Variants in NKAIN2 observed in about 807,000 individuals in gnomAD.
NKAIN2 encodes the protein sodium/potassium transporting ATPase interacting 2.
NKAIN2 carries 14 observed loss-of-function variants against 32.6 expected under a neutral mutation model. That is an observed-to-expected ratio of 0.43 (90% CI 0.28 to 0.67). NKAIN2 has a LOEUF of 0.67. Ranked by LOEUF, NKAIN2 falls within the 30% of genes least tolerant of loss-of-function variation. The pLI, the probability that NKAIN2 is intolerant of heterozygous loss-of-function variation, is 0.17. For synonymous variants in NKAIN2, 80 were observed against 87.2 expected (o/e 0.92, Z 0.46); for missense variants, 198 against 258.3 (o/e 0.77, Z 1.60).
chr6:124,309,966 A>G (rs1199467142), intron 2 of NKAIN2, among the ~76,000 whole-genome samples: 4 of 152,140 alleles, frequency 2.6e-5, no homozygotes, highest in Non-Finnish European at 5.9e-5. Flanking sequence ...AAACAATAGT[A>G]AAAGAGGTAA....
In NKAIN2 at chr6:124,714,694, C is replaced by G. The variant is rs531058758; in HGVS notation, c.474+56308C>G. Among the ~76,000 whole-genome samples, 321 of 152,292 alleles carry G rather than the reference C, an allele frequency of 2.1e-3. 1 individual carries two copies. The highest frequency in any genetic ancestry group is 7.5e-3 in the African/African-American group (312 of 41,564). ...ATCTAATTTTCATCTGAGCATAGTA[C>G]ATTGTAGTTCCCTGAGGCAGGCTTT... is the stretch of plus-strand genomic sequence containing the variant. On this transcript the variant is annotated intron_variant, in intron 4 of 6. Transcript: ENST00000368417.
chr6:124,245,001 G>C (rs1793320595), intron 1 of NKAIN2, among the ~76,000 whole-genome samples: 1 of 151,942 alleles, frequency 6.6e-6, no homozygotes, highest in Non-Finnish European at 1.5e-5. Flanking sequence ...AGTGCATGTT[G>C]GCTCCATCCT....
chr6:124,041,277 T>C (rs1295099226), intron 1 of NKAIN2, among the ~76,000 whole-genome samples: 1 of 152,006 alleles, frequency 6.6e-6, no homozygotes, highest in Non-Finnish European at 1.5e-5. Context: ...CCGCACATCA[T>C]CTCATACAAT....
At chr6:124,087,664 A>T (rs1052105894) in intron 1 of NKAIN2, among the ~76,000 whole-genome samples, 1 of 152,006 alleles carries the variant, frequency 6.6e-6, no homozygotes, top group Non-Finnish European at 1.5e-5. Context: ...CTGTTAATCT[A>T]AAACTGCCTT....
intron 1 of NKAIN2, among the ~76,000 whole-genome samples, chr6:123,858,155 G>A (rs563521387): frequency 7.3e-5 from 11 of 150,030 alleles, no homozygotes; most frequent in African/African-American, 2.0e-4. Flanking sequence ...TCGCTCTGTC[G>A]CCCAGACTGG....
chr6:124,658,339 T>C lies in NKAIN2; in HGVS notation c.427T>C (p.Tyr143His). Reference sequence around the variant, plus strand: ...CACGGTCTCAGGGTGTTTGCTGGAGTACCAGTACATAGAAGTGGCTCATAG... The same window carrying C: ...CACGGTCTCAGGGTGTTTGCTGGAGCACCAGTACATAGAAGTGGCTCATAG... ...YITVSGCLLE[Y>H]QYIEVAHSSL... The change falls in exon 4 of 7, where the codon TAC (tyrosine) becomes CAC (histidine). Residue 143 changes from tyrosine (Y) to histidine (H), a missense_variant. Coordinates refer to ENST00000368417, the MANE Select transcript of NKAIN2 (RefSeq NM_001040214.3). 6.2e-7 allele frequency: 1 copy of C among 1,614,050 alleles called. No homozygotes were observed. The highest frequency in any genetic ancestry group is 8.5e-7 in the Non-Finnish European group (1 of 1,179,990).
At chr6:124,564,471 A>AT (rs1320236570) in intron 3 of NKAIN2, among the ~76,000 whole-genome samples, 2 of 118,798 alleles carry the variant, frequency 1.7e-5, no homozygotes, top group African/African-American at 5.0e-5. Flanking sequence ...AAATAAGAGA[A>AT]TAAAAGCTGG....
At chr6:124,019,261 C>A (rs570446545) in intron 1 of NKAIN2, among the ~76,000 whole-genome samples, 1 of 151,990 alleles carries the variant, frequency 6.6e-6, no homozygotes, top group Non-Finnish European at 1.5e-5. Context: ...ACCTTGGTAC[C>A]CTTTCTAGCC....
At chr6:124,151,060 A>G (rs1388172634) in intron 1 of NKAIN2, among the ~76,000 whole-genome samples, 1 of 151,984 alleles carries the variant, frequency 6.6e-6, no homozygotes, top group Non-Finnish European at 1.5e-5. Context: ...ACCCTTTGTC[A>G]TGTTTCTTTT....
chr6:124,371,295 G>A (rs1363779921), intron 3 of NKAIN2, among the ~76,000 whole-genome samples: 1 of 151,836 alleles, frequency 6.6e-6, no homozygotes, highest in East Asian at 1.9e-4. Context: ...AATTGCTTAC[G>A]AGATAACGAG....
intron 1 of NKAIN2, among the ~76,000 whole-genome samples, chr6:124,170,620 C>T (rs1221445810): frequency 6.6e-6 from 1 of 152,116 alleles, no homozygotes; most frequent in Non-Finnish European, 1.5e-5. Context: ...ATAGTGGCTT[C>T]TTGGATTCCA....
chr6:124,007,490 T>A (rs1780124804), intron 1 of NKAIN2, among the ~76,000 whole-genome samples: 1 of 152,196 alleles, frequency 6.6e-6, no homozygotes, highest in African/African-American at 2.4e-5. Context: ...TGCAGTCTCT[T>A]CTCATAGCTC....
chr6:123,941,653 C>T (rs2114555863), intron 1 of NKAIN2, among the ~76,000 whole-genome samples: 1 of 152,082 alleles, frequency 6.6e-6, no homozygotes, highest in African/African-American at 2.4e-5. Flanking sequence ...AGCACAGCAG[C>T]ATCAAGCAAA....
chr6:124,039,267 A>G (rs1781753357), intron 1 of NKAIN2, among the ~76,000 whole-genome samples: 1 of 152,030 alleles, frequency 6.6e-6, no homozygotes, highest in Non-Finnish European at 1.5e-5. Flanking sequence ...GTTTTATTAT[A>G]TGAGTTAATA....
chr6:124,018,144 G>A (rs1780678712), intron 1 of NKAIN2, among the ~76,000 whole-genome samples: 1 of 152,158 alleles, frequency 6.6e-6, no homozygotes. Context: ...AAAGCTTGGG[G>A]CTTCCAGCCT....
At chr6:124,187,148 G>A (rs1176232505) in intron 1 of NKAIN2, among the ~76,000 whole-genome samples, 2 of 152,092 alleles carry the variant, frequency 1.3e-5, no homozygotes, top group African/African-American at 4.8e-5. Context: ...GTTCAGTGGA[G>A]TCTTTAATAC....
chr6:124,359,873 A>C (rs1799187261), intron 3 of NKAIN2, among the ~76,000 whole-genome samples: 1 of 152,124 alleles, frequency 6.6e-6, no homozygotes, highest in Non-Finnish European at 1.5e-5. Context: ...GAATGCTTCC[A>C]GTTTTTGCCC....
chr6:124,121,655 T>C (rs1286338821), intron 1 of NKAIN2, among the ~76,000 whole-genome samples: 1 of 152,054 alleles, frequency 6.6e-6, no homozygotes, highest in Non-Finnish European at 1.5e-5. Context: ...GATGTAGGGG[T>C]TGATACAATG....
intron 4 of NKAIN2, among the ~76,000 whole-genome samples, chr6:124,681,313 T>A (rs544570652): frequency 6.6e-6 from 1 of 152,198 alleles, no homozygotes; most frequent in African/African-American, 2.4e-5. Context: ...CTGTCTTCTA[T>A]CCTTTCTACC....
Sources: allele counts gnomAD v4.1 joint callset (sites outside exome capture counted in the v4.1 genomes callset), GRCh38; gene constraint gnomAD v4.1.1; transcripts MANE v1.5; gene names NCBI Gene and HGNC (gene_info 2026-07-23, HGNC 2026-07-21).